PFKP: variants seen among roughly 807,000 people sequenced by gnomAD.
PFKP encodes the protein phosphofructokinase, platelet, also known as ATP-dependent 6-phosphofructokinase, platelet type.
A neutral mutation model predicts 94.3 loss-of-function variants in PFKP; 101 were observed. The observed-to-expected ratio is 1.07, with a 90% CI of 0.91 to 1.26. PFKP has a LOEUF of 1.26. Among genes scored for constraint, PFKP ranks in the 50% most tolerant of loss-of-function variants. The pLI is 0.00. For missense variants in PFKP, 1,145 were observed against 1,103.3 expected, an observed-to-expected ratio of 1.04 and a Z score of -0.53; for synonymous variants, 573 against 432.6, an observed-to-expected ratio of 1.32 and a Z score of -4.03.
At chr10:3,132,314 G>A (rs1020956366) in intron 17 of PFKP, 66 bp from the exon 18 acceptor site, 3 of 1,206,236 alleles carry the variant, frequency 2.5e-6, no homozygotes, top group East Asian at 2.4e-5. Context: ...CCAGCCTGCA[G>A]TGCCTGGCAC....
At chr10:3,068,779 G>A in intron 1 of PFKP, 1 of 811,944 alleles carries the variant, frequency 1.2e-6, no homozygotes, top group Non-Finnish European at 1.5e-6. Flanking sequence ...CAACCTGGGA[G>A]CCTTAGCGAT....
rs551733263 is a variant in PFKP, at chr10:3,099,310, C to T, written c.222C>T (p.Ile74=). 106 of 1,614,050 alleles carry T rather than the reference C, an allele frequency of 6.6e-5. No individual in the cohort carries two copies. Among genetic ancestry groups the T allele is most frequent in the Non-Finnish European group, 8.2e-5 (97 of 1,179,988 alleles). ...GCATGGTGGACGGAGGCTCAAACAT[C>T]GCAGAGGCCGACTGGGAGAGTGTCT... ...YQGMVDGGSN[I]AEADWESVSS... Residue 74 remains isoleucine, a synonymous_variant, in exon 3 of 22, where the codon ATC becomes ATT. Transcript: ENST00000381125.
chr10:3,094,388 G>T (rs10903961), intron 2 of PFKP, among the ~76,000 whole-genome samples: 146,713 of 152,362 alleles, frequency 0.96, 70,807 homozygotes, highest in Non-Finnish European at 1. Flanking sequence ...TGTGTCGTGT[G>T]CTAACCTATT....
At position 3,099,339 on chromosome 10, in the gene PFKP, G is replaced by A; in HGVS notation, c.251G>A (p.Ser84Asn). ...IAEADWESVS[S>N]ILQVGGTIIG... ...GAGGCCGACTGGGAGAGTGTCTCCAGCATCCTGCAAGTGGTAGGTACTGGG... is the reference window on the plus strand; with the variant it reads ...GAGGCCGACTGGGAGAGTGTCTCCAACATCCTGCAAGTGGTAGGTACTGGG... Residue 84 changes from serine (S) to asparagine (N), a missense_variant, in exon 3 of 22, where the codon AGC becomes AAC. Ser to Asn is a conservative substitution (Grantham distance 46, BLOSUM62 1). Coordinates refer to ENST00000381125, the MANE Select transcript of PFKP (RefSeq NM_002627.5). 6.2e-7 allele frequency: 1 copy of A among 1,613,950 alleles called. No homozygotes were observed.
intron 13 of PFKP, 21 bp from the exon 14 acceptor site, chr10:3,116,755 C>T (rs377693271): frequency 6.6e-5 from 105 of 1,598,418 alleles, no homozygotes; most frequent in Middle Eastern, 1.6e-4. Flanking sequence ...TTAGCTGTTT[C>T]GTTCTGTGTT....
intron 2 of PFKP, among the ~76,000 whole-genome samples, chr10:3,082,934 G>A (rs1260580240): frequency 2.0e-5 from 3 of 152,026 alleles, no homozygotes; most frequent in East Asian, 1.9e-4. Context: ...GCTGGTCTGA[G>A]TCCTGTCCTC....
Position 3,101,408 on chromosome 10 carries a change from C to A in PFKP, c.308C>A (p.Thr103Lys), listed in dbSNP as rs376660415. The change falls in exon 4 of 22, where the codon ACG becomes AAG. Residue 103 changes from threonine (T) to lysine (K), a missense_variant. Physicochemically the swap from Thr to Lys is moderately conservative, Grantham distance 78. Around this residue, in one of 3 missense-constraint regions of PFKP, gnomAD observed 1,119 missense variants for 1,062.8 expected, o/e 1.05. Coordinates refer to ENST00000381125, the MANE Select transcript of PFKP (RefSeq NM_002627.5). ...IGSARCQAFR[T>K]REGRLKAACN... is the part of the protein sequence containing the mutation. ...AGTGCGCGGTGCCAGGCCTTCCGCACGCGGGAAGGCCGCCTGAAGGCTGCT... is the reference window on the plus strand; with the variant it reads ...AGTGCGCGGTGCCAGGCCTTCCGCAAGCGGGAAGGCCGCCTGAAGGCTGCT... 1.2e-6 allele frequency: 2 copies of A among 1,603,426 alleles called. No homozygotes were observed. Among genetic ancestry groups the A allele is most frequent in the Non-Finnish European group, 1.7e-6 (2 of 1,175,586 alleles).
At chr10:3,113,592 G>A (rs530798388) in intron 13 of PFKP, 74 bp downstream of exon 13, 2 of 1,253,384 alleles carry the variant, frequency 1.6e-6, no homozygotes, top group South Asian at 1.4e-5. Flanking sequence ...GCGGGGGGGT[G>A]CCCTCCATGG....
intron 2 of PFKP, among the ~76,000 whole-genome samples, chr10:3,090,599 TTC>T (rs1319880651): frequency 2.0e-5 from 3 of 152,078 alleles, no homozygotes; most frequent in Non-Finnish European, 2.9e-5. Context: ...CAGGCTGGGC[TTC>T]TCTCTGAGTG....
intron 16 of PFKP, among the ~76,000 whole-genome samples, chr10:3,126,478 G>A (rs558350700): frequency 1.3e-5 from 2 of 152,268 alleles, no homozygotes; most frequent in South Asian, 2.1e-4. Flanking sequence ...TTCCACCCTC[G>A]CGCCCCACAC....
chr10:3,127,019 C>T (rs1483100135), intron 16 of PFKP, among the ~76,000 whole-genome samples: 2 of 152,262 alleles, frequency 1.3e-5, no homozygotes, highest in Non-Finnish European at 2.9e-5. Context: ...GCCAGGGAGG[C>T]ACCTCCGTGC....
At position 3,113,510 on chromosome 10, in the gene PFKP, A is replaced by G. The variant is rs770888706; in HGVS notation, c.1363A>G (p.Lys455Glu). The change falls in exon 13 of 22, where the codon AAG becomes GAG. Residue 455 changes from lysine (K) to glutamate (E), a missense_variant. This residue lies in a region of PFKP where 1,119 missense variants were observed against 1,062.8 expected (regional missense o/e 1.05). Coordinates refer to ENST00000381125, the MANE Select transcript of PFKP (RefSeq NM_002627.5). ...AIYDGFDGFAKGQIKEIGWTD... is the reference protein window; with the variant it reads ...AIYDGFDGFAEGQIKEIGWTD... The stretch of plus-strand genomic sequence containing the variant: ...CTATGATGGCTTTGACGGCTTCGCC[A>G]AGGGCCAGGTGAGTCACCCAGGATG... The G allele has an allele frequency of 6.2e-7, 1 of 1,612,444 alleles. No homozygotes were observed. The highest frequency in any genetic ancestry group is 8.5e-7 in the Non-Finnish European group (1 of 1,179,908).
chr10:3,117,828 C>G (rs974094969), intron 14 of PFKP, among the ~76,000 whole-genome samples: 5 of 152,288 alleles, frequency 3.3e-5, no homozygotes, highest in Non-Finnish European at 5.9e-5. Flanking sequence ...GTTGTGGGCT[C>G]GTCCTGAAGA....
At chr10:3,089,083 C>G (rs974829271) in intron 2 of PFKP, among the ~76,000 whole-genome samples, 1 of 152,180 alleles carries the variant, frequency 6.6e-6, no homozygotes, top group Non-Finnish European at 1.5e-5. Flanking sequence ...AGGCACCCAC[C>G]ACCACGCCTG....
intron 2 of PFKP, among the ~76,000 whole-genome samples, chr10:3,098,026 AACAC>A (rs1224112381): frequency 1.3e-5 from 2 of 150,548 alleles, no homozygotes; most frequent in South Asian, 2.1e-4. Flanking sequence ...AAATAAAATA[AACAC>A]ACATATATAT....
chr10:3,101,580 C>A (rs754004672), intron 4 of PFKP, 26 bp downstream of exon 4: 16 of 1,472,980 alleles, frequency 1.1e-5, no homozygotes, highest in African/African-American at 1.4e-5. Flanking sequence ...CTCCTCTGTC[C>A]TGCGGGTTTT....
chr10:3,125,136 C>T lies in PFKP; in HGVS notation c.1684-4683C>T, dbSNP rs112431229. ...GTGCGACATGGCCGAGGCACGAGGC[C>T]GCCACCAGGAGCTTTGCATCCCCCT... On this transcript the variant is annotated intron_variant, in intron 16 of 21. Coordinates refer to ENST00000381125, the MANE Select transcript of PFKP (RefSeq NM_002627.5). 1.3e-3 allele frequency: 1,797 copies of T among 1,336,604 alleles called. 9 individuals carry two copies. The highest frequency in any genetic ancestry group is 1.6e-3 in the Non-Finnish European group (1,610 of 1,009,084). 82.8% of individuals were successfully genotyped at this position (1,336,604 alleles called of 1,614,324 possible).
Position 3,093,912 on chromosome 10 carries a change from G to A in PFKP, c.187-5363G>A, listed in dbSNP as rs1016418876. On this transcript the variant is annotated intron_variant, in intron 2 of 21. Coordinates refer to ENST00000381125, the MANE Select transcript of PFKP (RefSeq NM_002627.5). ...CCCGCCTTGGCCTCCCAAAGTGCTG[G>A]GATTACAGGCGTGAGCCACCGCATC... Among the ~76,000 whole-genome samples the A allele has an allele frequency of 4.3e-4, 66 of 152,178 alleles. 1 individual carries two copies. Among genetic ancestry groups the A allele is most frequent in the African/African-American group, 1.5e-3 (63 of 41,504 alleles).
intron 16 of PFKP, among the ~76,000 whole-genome samples, chr10:3,125,792 C>T (rs1837885912): frequency 3.9e-5 from 6 of 152,192 alleles, no homozygotes; most frequent in Admixed American, 3.9e-4. Context: ...CTGACACCCA[C>T]ATGGTGGCCC....
Sources: allele counts gnomAD v4.1 joint callset (sites outside exome capture counted in the v4.1 genomes callset), GRCh38; gene constraint gnomAD v4.1.1; regional missense constraint gnomAD v4.1.1; transcripts MANE v1.5; gene names NCBI Gene and HGNC (gene_info 2026-07-23, HGNC 2026-07-21).